CSMD1: variants seen among roughly 807,000 people sequenced by gnomAD.
CSMD1 encodes CUB and Sushi multiple domains 1.
Under a neutral mutation model 417.5 loss-of-function variants are expected in CSMD1, and 213 were observed. That is an observed-to-expected ratio of 0.51 (90% CI 0.46 to 0.57). CSMD1 has a LOEUF of 0.57. Ranked by LOEUF, CSMD1 falls within the 20% of genes least tolerant of loss-of-function variation. CSMD1 has a pLI of 0.00. For synonymous variants in CSMD1, 2,862 were observed against 1,736.8 expected (o/e 1.65, Z -16.11); for missense variants, 6,923 against 4,529.7 (o/e 1.53, Z -15.17).
intron 57 of CSMD1, among the ~76,000 whole-genome samples, chr8:2,968,168 T>C (rs1804136400): frequency 6.6e-6 from 1 of 152,200 alleles, no homozygotes; most frequent in African/African-American, 2.4e-5. Flanking sequence ...TTTGCAATAA[T>C]TAAGGGTTGG....
At chr8:2,972,526 G>T (rs548933285) in intron 57 of CSMD1, among the ~76,000 whole-genome samples, 1 of 152,080 alleles carries the variant, frequency 6.6e-6, no homozygotes, top group Non-Finnish European at 1.5e-5. Flanking sequence ...CTACATTTCT[G>T]ATACACAGTG....
At position 3,026,721 on chromosome 8, in the gene CSMD1, G is replaced by A. The variant is rs191484839; in HGVS notation, c.7855+2598C>T. Among the ~76,000 whole-genome samples the A allele has an allele frequency of 3.9e-3, 591 of 152,342 alleles. 3 individuals carry two copies. Among genetic ancestry groups the A allele is most frequent in the African/African-American group, 0.013 (553 of 41,574 alleles). ...GGTATCTGAGCCCAGAAGCTGGGCC[G>A]TAGCGAATCTGTGTTATCATGAGGC... On this transcript the variant is annotated intron_variant, in intron 51 of 69. Coordinates refer to ENST00000635120, the MANE Select transcript of CSMD1 (RefSeq NM_033225.6).
chr8:3,037,929 G>A (rs949136357), intron 50 of CSMD1, among the ~76,000 whole-genome samples: 8 of 152,052 alleles, frequency 5.3e-5, no homozygotes, highest in Admixed American at 4.6e-4. Flanking sequence ...TTAGGGTTTC[G>A]AATCACCAGA....
chr8:3,215,123 G>C (rs988947091), intron 29 of CSMD1, among the ~76,000 whole-genome samples: 6 of 152,124 alleles, frequency 3.9e-5, no homozygotes, highest in Non-Finnish European at 7.4e-5. Flanking sequence ...TTTCAGAAAA[G>C]ACTGGAGAAT....
intron 3 of CSMD1, among the ~76,000 whole-genome samples, chr8:4,419,303 T>C (rs1797119848): frequency 6.6e-6 from 1 of 152,150 alleles, no homozygotes; most frequent in African/African-American, 2.4e-5. Context: ...GCCTTTAAAG[T>C]ATTAACTAGT....
intron 5 of CSMD1, among the ~76,000 whole-genome samples, chr8:3,962,084 T>G (rs762706549): frequency 6.6e-6 from 1 of 152,164 alleles, no homozygotes. Context: ...AGAGATAACT[T>G]GAGCTTGGAC....
intron 20 of CSMD1, among the ~76,000 whole-genome samples, chr8:3,362,728 G>C (rs1048253641): frequency 6.6e-6 from 1 of 152,088 alleles, no homozygotes; most frequent in African/African-American, 2.4e-5. Context: ...TGGTTTTCAC[G>C]TAAAACAGAG....
At chr8:3,101,742 A>G (rs959191381) in intron 46 of CSMD1, among the ~76,000 whole-genome samples, 7 of 151,624 alleles carry the variant, frequency 4.6e-5, no homozygotes, top group African/African-American at 1.7e-4. Flanking sequence ...ACTTTCAAAG[A>G]ACAATGCACT....
chr8:3,301,013 G>C (rs1265372022), intron 25 of CSMD1, among the ~76,000 whole-genome samples: 1 of 137,886 alleles, frequency 7.3e-6, no homozygotes, highest in Non-Finnish European at 1.6e-5. Flanking sequence ...GTATAAACAA[G>C]CAACAAGAGA....
chr8:4,877,971 A>G (rs1803153410), intron 1 of CSMD1, among the ~76,000 whole-genome samples: 2 of 151,776 alleles, frequency 1.3e-5, no homozygotes, highest in Non-Finnish European at 3.0e-5. Flanking sequence ...CCAAACACAT[A>G]TGTATGTGCA....
intron 1 of CSMD1, among the ~76,000 whole-genome samples, chr8:4,880,291 T>A (rs1248467091): frequency 6.6e-6 from 1 of 152,038 alleles, no homozygotes; most frequent in African/African-American, 2.4e-5. Flanking sequence ...GCTTTGGGGA[T>A]CTCACACACC....
intron 23 of CSMD1, among the ~76,000 whole-genome samples, chr8:3,327,949 C>G (rs1167106839): frequency 1.3e-5 from 2 of 152,100 alleles, no homozygotes; most frequent in East Asian, 1.9e-4. Flanking sequence ...AATGCCCTAC[C>G]TAGCCCTAGC....
At chr8:4,293,028 T>C (rs1199503321) in intron 3 of CSMD1, among the ~76,000 whole-genome samples, 1 of 152,146 alleles carries the variant, frequency 6.6e-6, no homozygotes, top group Non-Finnish European at 1.5e-5. Context: ...AAAGTGTGGT[T>C]ATGGCTTGAG....
chr8:3,668,930 G>C (rs938458130), intron 7 of CSMD1, among the ~76,000 whole-genome samples: 6 of 152,180 alleles, frequency 3.9e-5, no homozygotes, highest in African/African-American at 9.7e-5. Flanking sequence ...AGCTCTTTGA[G>C]AGGCGTGACA....
chr8:3,018,629 G>A lies in CSMD1; in HGVS notation c.7877C>T (p.Ser2626Phe), dbSNP rs267601891. ...AATCTTGTTGCCATTTGGGGGAAAG[G>A]AAAGGCTTCCACACGAGATAACTAG... ...SCRVISCGSL[S>F]FPPNGNKIGT... Residue 2626 changes from serine to phenylalanine, a missense_variant, in exon 52 of 70, where the codon TCC becomes TTC. Ser to Phe is a radical substitution (Grantham distance 155). Transcript: ENST00000635120. 2 of 1,612,110 alleles carry A rather than the reference G, an allele frequency of 1.2e-6. No individual in the cohort carries two copies. Among genetic ancestry groups the A allele is most frequent in the Non-Finnish European group, 1.7e-6 (2 of 1,178,910 alleles).
chr8:4,445,524 G>C (rs1217315150), intron 2 of CSMD1, among the ~76,000 whole-genome samples: 1 of 152,110 alleles, frequency 6.6e-6, no homozygotes, highest in Non-Finnish European at 1.5e-5. Context: ...CATTGGTTTT[G>C]TTTTCATTTG....
In CSMD1 at chr8:3,795,322, T is replaced by TGTAG. The variant is rs1381732940; in HGVS notation, c.819-41281_819-41280insCTAC. The stretch of plus-strand genomic sequence containing the variant: ...GATATATATATCTATCATGTACAGA[T>TGTAG]ATAGATATCTATCATGTAGATATAG... On this transcript the variant is annotated intron_variant, in intron 5 of 69. Transcript: ENST00000635120. 3.0e-4 allele frequency among the ~76,000 whole-genome samples: 14 copies of TGTAG among 46,966 alleles called. 5 individuals carry two copies. The highest frequency in any genetic ancestry group is 1.4e-3 in the African/African-American group (14 of 9,684). 30.8% of individuals were successfully genotyped at this position (46,966 alleles called of 152,430 possible).
intron 4 of CSMD1, among the ~76,000 whole-genome samples, chr8:4,017,849 T>G (rs555617114): frequency 6.6e-6 from 1 of 152,302 alleles, no homozygotes; most frequent in Admixed American, 6.5e-5. Context: ...ACTGTATATC[T>G]GGTGGTGATC....
At chr8:4,458,050 A>G (rs2129913354) in intron 2 of CSMD1, among the ~76,000 whole-genome samples, 1 of 151,944 alleles carries the variant, frequency 6.6e-6, no homozygotes, top group African/African-American at 2.4e-5. Flanking sequence ...AATTCCTTTT[A>G]CCCCTGAGGT....
Sources: allele counts gnomAD v4.1 joint callset (sites outside exome capture counted in the v4.1 genomes callset), GRCh38; gene constraint gnomAD v4.1.1; transcripts MANE v1.5; gene names NCBI Gene and HGNC (gene_info 2026-07-23, HGNC 2026-07-21).